Variants in PDE1C observed in about 807,000 individuals in gnomAD.
PDE1C encodes the protein dual specificity calcium/calmodulin-dependent 3',5'-cyclic nucleotide phosphodiesterase 1C.
Under a neutral mutation model 93.1 loss-of-function variants are expected in PDE1C, and 62 were observed. That is an observed-to-expected ratio of 0.67 (90% CI 0.54 to 0.82). PDE1C has a LOEUF of 0.82. Among genes scored for constraint, PDE1C ranks in the 40% least tolerant of loss-of-function variants. The probability of loss-of-function intolerance (pLI) is 0.00; values close to 1 mark genes in which losing one functional copy is unlikely to be tolerated. For synonymous variants in PDE1C, 325 were observed against 310.1 expected (o/e 1.05, Z -0.50); for missense variants, 742 against 884.6 (o/e 0.84, Z 2.04).
At chr7:31,733,072 T>G in the PDE1C span, among the ~76,000 whole-genome samples, 2 of 152,242 alleles carry the variant, frequency 1.3e-5, no homozygotes, top group Admixed American at 1.3e-4. Context: ...TTTTGTTCCC[T>G]GGATCAGGGT....
At chr7:32,206,130 C>T (rs75423288) in intron 2 of PDE1C, among the ~76,000 whole-genome samples, 1 of 151,872 alleles carries the variant, frequency 6.6e-6, no homozygotes, top group South Asian at 2.1e-4. Context: ...AGAATTCAAA[C>T]CCCGGCTTGA....
intron 1 of PDE1C, among the ~76,000 whole-genome samples, chr7:32,225,764 G>A (rs1807213701): frequency 6.6e-6 from 1 of 152,176 alleles, no homozygotes; most frequent in African/African-American, 2.4e-5. Flanking sequence ...GCTGTGTTAT[G>A]AAAGTTGCTT....
At chr7:32,198,555 G>T (rs990556891) in intron 2 of PDE1C, among the ~76,000 whole-genome samples, 2 of 152,086 alleles carry the variant, frequency 1.3e-5, no homozygotes, top group African/African-American at 4.8e-5. Flanking sequence ...CCAACCCTTG[G>T]GTTTGAGCAT....
rs1341242930 is a variant in PDE1C at position 31,989,188 on chromosome 7, T to C, written c.128+62366A>G. Among the ~76,000 whole-genome samples, 3 of 152,158 alleles carry C rather than the reference T, an allele frequency of 2.0e-5. No homozygotes were observed. In the East Asian group the frequency reaches 5.8e-4, roughly 29 times the overall value. On this transcript the variant is annotated intron_variant, in intron 2 of 17. Coordinates refer to ENST00000396191, the MANE Select transcript of PDE1C (RefSeq NM_001191057.4). ...CAAAATAATAATGATATTTTGGACT[T>C]TACTTATATTTCCCTCACTTTGCTT...
At chr7:31,855,724 T>TAAAA (rs939232944) in intron 7 of PDE1C, among the ~76,000 whole-genome samples, 1 of 80,868 alleles carries the variant, frequency 1.2e-5, no homozygotes. Flanking sequence ...AAAATAAAAA[T>TAAAA]AAAAAAATAA....
chr7:32,253,599 C>T (rs2128876664), intron 1 of PDE1C, among the ~76,000 whole-genome samples: 1 of 152,254 alleles, frequency 6.6e-6, no homozygotes, highest in East Asian at 1.9e-4. Context: ...TGAGTTTATG[C>T]AGCTGGGGAA....
At chr7:31,836,806 T>C (rs970440643) in intron 11 of PDE1C, among the ~76,000 whole-genome samples, 4 of 151,956 alleles carry the variant, frequency 2.6e-5, no homozygotes, top group African/African-American at 9.7e-5. Flanking sequence ...CCAATTATAA[T>C]AGAGACATGA....
At chr7:32,102,010 C>T (rs930620557) in intron 3 of PDE1C, among the ~76,000 whole-genome samples, 14 of 152,158 alleles carry the variant, frequency 9.2e-5, no homozygotes, top group African/African-American at 3.4e-4. Context: ...CATGAACTCA[C>T]AGAGTGAGAA....
chr7:31,617,845 T>C, the PDE1C span, among the ~76,000 whole-genome samples: 1 of 152,170 alleles, frequency 6.6e-6, no homozygotes, highest in Non-Finnish European at 1.5e-5. Context: ...AAGAAAACAT[T>C]TGACCTATTA....
chr7:31,697,218 C>G, the PDE1C span: 1 of 1,440,424 alleles, frequency 6.9e-7, no homozygotes, highest in Non-Finnish European at 9.3e-7. Flanking sequence ...CCTGCCCCAG[C>G]AAGCTGCGTT....
chr7:32,299,120 G>A, exon 1 of PDE1C: 1 of 1,046,544 alleles, frequency 9.6e-7, no homozygotes, highest in Non-Finnish European at 1.1e-6. Context: ...CGCGCCACAG[G>A]AAAGTCTGTT....
At chr7:31,826,104 G>A (rs75045129) in intron 12 of PDE1C, among the ~76,000 whole-genome samples, 4,611 of 152,256 alleles carry the variant, frequency 0.03, 236 homozygotes, top group African/African-American at 0.11. Flanking sequence ...GAAGCTAGTG[G>A]GGATGCTGGT....
chr7:32,076,478 G>GA (rs1035940293), intron 3 of PDE1C, among the ~76,000 whole-genome samples: 21 of 151,228 alleles, frequency 1.4e-4, no homozygotes, highest in Non-Finnish European at 2.4e-4. Context: ...CCATCTCTAC[G>GA]AAAAAAATAT....
intron 2 of PDE1C, among the ~76,000 whole-genome samples, chr7:31,976,638 G>T (rs942375043): frequency 3.3e-5 from 5 of 152,130 alleles, no homozygotes; most frequent in Non-Finnish European, 5.9e-5. Context: ...GCAGCCCACT[G>T]CCACCACTCT....
At chr7:32,167,416 T>A (rs1802366105) in intron 3 of PDE1C, among the ~76,000 whole-genome samples, 1 of 152,020 alleles carries the variant, frequency 6.6e-6, no homozygotes, top group African/African-American at 2.4e-5. Flanking sequence ...AGGCCAAGTA[T>A]CAGGAAAAGA....
chr7:32,019,530 A>T lies in PDE1C; in HGVS notation c.128+32024T>A, dbSNP rs578134249. ...ACTGAAAAATTACCTGATAACATTCATGTTTTAGAAAGATTATTCTGGCTT... is the reference window on the plus strand; with the variant it reads ...ACTGAAAAATTACCTGATAACATTCTTGTTTTAGAAAGATTATTCTGGCTT... On this transcript the variant is annotated intron_variant, in intron 2 of 17. Transcript: ENST00000396191. 2.0e-5 allele frequency among the ~76,000 whole-genome samples: 3 copies of T among 152,264 alleles called. No individual in the cohort carries two copies. In the East Asian group the frequency reaches 5.8e-4, roughly 29 times the overall value.
the PDE1C span, among the ~76,000 whole-genome samples, chr7:31,627,547 T>C: frequency 6.6e-6 from 1 of 150,562 alleles, no homozygotes; most frequent in Admixed American, 6.7e-5. Context: ...AGTCCCAGCT[T>C]CTCAGGAGGC....
chr7:31,741,013 G>A, the PDE1C span, among the ~76,000 whole-genome samples: 945 of 150,720 alleles, frequency 6.3e-3, 10 homozygotes, highest in African/African-American at 0.022. Flanking sequence ...AGGCTGCAGT[G>A]ATCATGCCAC....
At chr7:32,038,370 C>T (rs1791384675) in intron 2 of PDE1C, among the ~76,000 whole-genome samples, 1 of 152,024 alleles carries the variant, frequency 6.6e-6, no homozygotes, top group African/African-American at 2.4e-5. Context: ...CCAAGTTTTG[C>T]AGAGAGTTAA....
Sources: gnomAD v4.1 joint callset for allele counts (sites outside exome capture counted in the v4.1 genomes callset) on GRCh38, gnomAD v4.1.1 for gene constraint, MANE v1.5 for transcripts, NCBI Gene and HGNC (gene_info 2026-07-23, HGNC 2026-07-21) for gene names.